The following RP1L1 variants were observed in gnomAD, a reference collection of about 807,000 sequenced individuals.
RP1L1 encodes retinitis pigmentosa 1-like 1 protein.
RP1L1 carries 27 observed loss-of-function variants against 15.7 expected under a neutral mutation model. The observed-to-expected ratio is 1.72, with a 90% CI of 1.27 to 2.38. The LOEUF (loss-of-function observed/expected upper bound fraction) is 2.38. Ranked by LOEUF, RP1L1 falls within the 30% of genes most tolerant of loss-of-function variation. RP1L1 has a pLI of 0.00. For synonymous variants in RP1L1, 1,813 were observed against 1,276.7 expected, an observed-to-expected ratio of 1.42 and a Z score of -8.96; for missense variants, 4,798 against 3,075.9, an observed-to-expected ratio of 1.56 and a Z score of -13.24.
chr8:10,631,278 TGC>T (rs1491424940), intron 1 of RP1L1, among the ~76,000 whole-genome samples: 5 of 131,654 alleles, frequency 3.8e-5, no homozygotes, highest in Non-Finnish European at 4.8e-5. Context: ...CAAACACGCA[TGC>T]ACACACACGC....
Position 10,606,546 on chromosome 8 carries a change from G to C in RP1L1, c.*349C>G, listed in dbSNP as rs140390217. Reference sequence around the variant, plus strand: ...AGACAGAGAGCAACACTTGCTAGCAGAAAACAAACCCACAAACAAAAGCTA... The same window carrying C: ...AGACAGAGAGCAACACTTGCTAGCACAAAACAAACCCACAAACAAAAGCTA... On this transcript the variant is annotated 3_prime_UTR_variant, in exon 4 of 4. Transcript: ENST00000382483. The C allele has an allele frequency of 3.0e-4, 91 of 298,878 alleles. No individual in the cohort carries two copies. The highest frequency in any genetic ancestry group is 2.0e-3 in the African/African-American group (89 of 45,552). The allele number at this position is 298,878 out of a possible 1,614,324, so 18.5% of individuals were successfully genotyped here. A position where few individuals can be genotyped will look rare whatever the true frequency, so the allele number is the denominator to read the frequency against.
chr8:10,649,033 G>A (rs992645324), intron 1 of RP1L1, among the ~76,000 whole-genome samples: 6 of 152,230 alleles, frequency 3.9e-5, no homozygotes, highest in African/African-American at 9.6e-5. Context: ...ATGCGGAGCT[G>A]CAGCGCCATG....
rs1798419848 is a variant in RP1L1 at position 10,642,401 on chromosome 8, A to T, written c.-20+12497T>A. On this transcript the variant is annotated intron_variant, in intron 1 of 3. Transcript: ENST00000382483. The stretch of plus-strand genomic sequence containing the variant: ...TGAAGAGCTTCTAGGAAACCTCTTG[A>T]AAGGTTGCTAAAACCCTTCCCCCCT... Among the ~76,000 whole-genome samples the T allele has an allele frequency of 3.3e-5, 5 of 152,302 alleles. No individual in the cohort carries two copies. The South Asian group carries it at 1.0e-3, about 32-fold the overall frequency.
chr8:10,623,465 A>AT (rs1798106944), intron 1 of RP1L1, among the ~76,000 whole-genome samples: 1 of 152,052 alleles, frequency 6.6e-6, no homozygotes, highest in Admixed American at 6.5e-5. Context: ...TGTCCCCAGC[A>AT]TTACCATGTT....
intron 2 of RP1L1, among the ~76,000 whole-genome samples, chr8:10,617,411 A>G (rs1373872093): frequency 6.6e-6 from 1 of 150,460 alleles, no homozygotes; most frequent in Non-Finnish European, 1.5e-5. Context: ...AAAAAAAAAA[A>G]AAAAAAAAAA....
chr8:10,626,735 T>A (rs1798164903), intron 1 of RP1L1, among the ~76,000 whole-genome samples: 1 of 152,224 alleles, frequency 6.6e-6, no homozygotes. Flanking sequence ...ACCCCAAATC[T>A]GTGTGTATCA....
intron 1 of RP1L1, among the ~76,000 whole-genome samples, chr8:10,635,575 C>T (rs889979024): frequency 6.6e-6 from 1 of 152,180 alleles, no homozygotes; most frequent in Admixed American, 6.5e-5. Context: ...TACTATGTTG[C>T]TCTCCAGGGG....
rs1353232136 is a variant in RP1L1 at position 10,607,395 on chromosome 8, C to T, written c.6703G>A (p.Gly2235Arg). ...CCTTCTGACTCTGGCTGGGCCTCCC[C>T]TTCAGCCTCCGGGGTCTCTACGCCT... ...PEGVETPEAE[G>R]EAQPESEGET... The change falls in exon 4 of 4, where the codon GGG becomes AGG. Residue 2235 changes from glycine (G) to arginine (R), a missense_variant. Transcript: ENST00000382483. 1.9e-6 allele frequency: 3 copies of T among 1,592,098 alleles called. No individual in the cohort carries two copies. Among genetic ancestry groups the T allele is most frequent in the Admixed American group, 3.5e-5 (2 of 57,786 alleles).
chr8:10,607,114 G>C lies in RP1L1; in HGVS notation c.6984C>G (p.Ala2328=), dbSNP rs1329449767. The C allele has an allele frequency of 3.7e-6, 6 of 1,614,090 alleles. No individual in the cohort carries two copies. The highest frequency in any genetic ancestry group is 1.3e-5 in the African/African-American group (1 of 74,928). Residue 2328 remains alanine, a synonymous_variant, in exon 4 of 4, where the codon GCC becomes GCG. Transcript: ENST00000382483. Reference sequence around the variant, plus strand: ...CTGCATGAGGGGTCCCCGTGGACTTGGCATCAGGGCTCCTTGTGTCTCCAA... The same window carrying C: ...CTGCATGAGGGGTCCCCGTGGACTTCGCATCAGGGCTCCTTGTGTCTCCAA... ...HVLGDTRSPD[A]KSTGTPHAER...
chr8:10,652,518 T>C (rs891671740), intron 1 of RP1L1, among the ~76,000 whole-genome samples: 5 of 152,164 alleles, frequency 3.3e-5, no homozygotes, highest in Non-Finnish European at 7.4e-5. Context: ...CCGCAGTATC[T>C]TAAAGAATCT....
rs1315222879 is a variant in RP1L1, at chr8:10,612,890, G to C, written c.1208C>G (p.Pro403Arg). 1.9e-6 allele frequency: 3 copies of C among 1,612,732 alleles called. No homozygotes were observed. Among genetic ancestry groups the C allele is most frequent in the Non-Finnish European group, 2.5e-6 (3 of 1,179,844 alleles). Residue 403 changes from proline (P) to arginine (R), a missense_variant, in exon 4 of 4, where the codon CCC becomes CGC. Pro to Arg is a moderately radical substitution (Grantham distance 103). Transcript: ENST00000382483. ...GGGATTCGTCCAGATTTCATACTTG[G>C]GCCCTGGCTGCCCGCCTCGGCCAAA... is the stretch of plus-strand genomic sequence containing the variant. ...EVFGRGGQPG[P>R]KYEIWTNPLH... is the part of the protein sequence containing the mutation.
chr8:10,611,288 T>G lies in RP1L1; in HGVS notation c.2810A>C (p.Gln937Pro), dbSNP rs777731621. The G allele has an allele frequency of 1.9e-6, 3 of 1,612,886 alleles. No individual in the cohort carries two copies. In the Admixed American group the frequency reaches 5.0e-5, roughly 27 times the overall value. Reference sequence around the variant, plus strand: ...GGGTGACACACCACTGGCCTCCTCCTGCCCCTGGGGGCCTCCCCCACTCCT... The same window carrying G: ...GGGTGACACACCACTGGCCTCCTCCGGCCCCTGGGGGCCTCCCCCACTCCT... ...TLRSGGGPQG[Q>P]EEASGVSPSS... The change falls in exon 4 of 4, where the codon CAG becomes CCG. Residue 937 changes from glutamine (Q) to proline (P), a missense_variant. Physicochemically the swap from Gln to Pro is moderately conservative, Grantham distance 76 (BLOSUM62 -1). Transcript: ENST00000382483.
At chr8:10,631,202 AACACACAC>A (rs147917321) in intron 1 of RP1L1, among the ~76,000 whole-genome samples, 6 of 150,186 alleles carry the variant, frequency 4.0e-5, no homozygotes, top group South Asian at 2.1e-4. Context: ...CACCTGCAAA[AACACACAC>A]ACACACACAC....
At chr8:10,633,105 A>G (rs1798276660) in intron 1 of RP1L1, among the ~76,000 whole-genome samples, 1 of 152,118 alleles carries the variant, frequency 6.6e-6, no homozygotes, top group South Asian at 2.1e-4. Context: ...TTCCCAGGAG[A>G]CGGCAGCAGC....
rs757272743 is a variant in RP1L1 at position 10,613,246 on chromosome 8, C to CG, written c.851dup (p.Val285GlyfsTer24). 3.7e-6 allele frequency: 6 copies of CG among 1,611,968 alleles called. No homozygotes were observed. The highest frequency in any genetic ancestry group is 3.4e-6 in the Non-Finnish European group (4 of 1,180,004). On this transcript the variant is annotated frameshift_variant, in exon 4 of 4. Transcript: ENST00000382483. LOFTEE classifies it low-confidence loss of function (END_TRUNC). ...GGTGCCTGCCAGGAGCAGGGCCCACCGGGGGGTTGCTAGGACCAGGCCTTT... is the reference window on the plus strand; with the variant it reads ...GGTGCCTGCCAGGAGCAGGGCCCACCGGGGGGGTTGCTAGGACCAGGCCTTT...
chr8:10,640,259 G>T (rs1430684876), intron 1 of RP1L1, among the ~76,000 whole-genome samples: 1 of 152,212 alleles, frequency 6.6e-6, no homozygotes, highest in African/African-American at 2.4e-5. Flanking sequence ...CACTTAGTTG[G>T]AGAATGAACC....
chr8:10,616,388 C>A, intron 3 of RP1L1, 58 bp downstream of exon 3: 1 of 1,610,302 alleles, frequency 6.2e-7, no homozygotes, highest in Non-Finnish European at 8.5e-7. Flanking sequence ...TTCCACTCAG[C>A]CCTACTGAAC....
chr8:10,616,491 T>C lies in RP1L1; in HGVS notation c.706A>G (p.Ser236Gly). ...RTPAMKNARR[S>G]EAETLSGLTS... is the part of the protein sequence containing the mutation. ...AGCCCAGATAAAGTTTCAGCCTCGCTTCTCCTGGCATTTTTCATGGCTGGG... is the reference window on the plus strand; with the variant it reads ...AGCCCAGATAAAGTTTCAGCCTCGCCTCTCCTGGCATTTTTCATGGCTGGG... The change falls in exon 3 of 4, where the codon AGC becomes GGC. Residue 236 changes from serine to glycine, a missense_variant. Coordinates refer to ENST00000382483, the MANE Select transcript of RP1L1 (RefSeq NM_178857.6). 6.2e-7 allele frequency: 1 copy of C among 1,614,246 alleles called. No individual in the cohort carries two copies.
chr8:10,645,912 T>G (rs1342337113), intron 1 of RP1L1, among the ~76,000 whole-genome samples: 1 of 152,178 alleles, frequency 6.6e-6, no homozygotes, highest in African/African-American at 2.4e-5. Context: ...CTGGCCTTTC[T>G]CCTCTTCCCT....
Sources: allele counts gnomAD v4.1 joint callset (sites outside exome capture counted in the v4.1 genomes callset), GRCh38; gene constraint gnomAD v4.1.1; transcripts MANE v1.5; gene names NCBI Gene and HGNC (gene_info 2026-07-23, HGNC 2026-07-21).